The following ACAP2 variants were observed in gnomAD, a reference collection of about 807,000 sequenced individuals.
ACAP2 encodes ArfGAP with coiled-coil, ankyrin repeat and PH domains 2, also known as arf-GAP with coiled-coil, ANK repeat and PH domain-containing protein 2.
Under a neutral mutation model 115.8 loss-of-function variants are expected in ACAP2, and 39 were observed. The ratio of observed to expected loss-of-function variants is 0.34; its 90% CI spans 0.26 to 0.44. The LOEUF (loss-of-function observed/expected upper bound fraction) is 0.44. Among genes scored for constraint, ACAP2 ranks in the 20% least tolerant of loss-of-function variants. The pLI, the probability that ACAP2 is intolerant of heterozygous loss-of-function variation, is 1.00. For missense variants in ACAP2, 662 were observed against 927.6 expected (o/e 0.71, Z 3.72); for synonymous variants, 289 against 315.8 (o/e 0.92, Z 0.90).
At position 195,393,716 on chromosome 3, in the gene ACAP2, GTGTA is replaced by G. The variant is rs1295844204; in HGVS notation, c.54-1573_54-1570del. On this transcript the variant is annotated intron_variant, in intron 1 of 22. Transcript: ENST00000326793. ...AATTTACACACGAGAACAAATGTAT[GTGTA>G]TGAGGATATTCAGTGTAACGCGTTA... Among the ~76,000 whole-genome samples, 4 of 152,296 alleles carry G rather than the reference GTGTA, an allele frequency of 2.6e-5. No individual in the cohort carries two copies. In the East Asian group the frequency reaches 7.7e-4, roughly 29 times the overall value.
intron 7 of ACAP2, chr3:195,336,559 GA>G (rs1730521034): frequency 6.2e-6 from 1 of 160,346 alleles, no homozygotes; most frequent in African/African-American, 2.4e-5. Context: ...TTTTTATGTT[GA>G]TAACTTTCAA....
At chr3:195,319,050 A>G (rs1729273294) in intron 10 of ACAP2, among the ~76,000 whole-genome samples, 1 of 152,226 alleles carries the variant, frequency 6.6e-6, no homozygotes, top group Non-Finnish European at 1.5e-5. Context: ...AATTCCAGCC[A>G]TGGCTAAAAG....
intron 4 of ACAP2, 27 bp downstream of exon 4, chr3:195,380,982 T>C: frequency 6.4e-7 from 1 of 1,558,260 alleles, no homozygotes; most frequent in East Asian, 2.3e-5. Flanking sequence ...AATATGGTCA[T>C]AGTAACACCT....
chr3:195,292,308 G>A lies in ACAP2; in HGVS notation c.1910C>T (p.Ser637Leu). Residue 637 changes from serine to leucine, a missense_variant, in exon 19 of 23, where the codon TCA becomes TTA. Transcript: ENST00000326793. ...AAGTGGTGTCGCTTTGTTTTCCTCTGAATTGGCCCAGTTCACGTCTGCACC... is the reference window on the plus strand; with the variant it reads ...AAGTGGTGTCGCTTTGTTTTCCTCTAAATTGGCCCAGTTCACGTCTGCACC... ...AHGADVNWAN[S>L]EENKATPLIQ... 6.2e-7 allele frequency: 1 copy of A among 1,608,694 alleles called. No homozygotes were observed. The highest frequency in any genetic ancestry group is 8.5e-7 in the Non-Finnish European group (1 of 1,178,726).
At chr3:195,387,522 G>A (rs1344256746) in intron 2 of ACAP2, among the ~76,000 whole-genome samples, 4 of 152,094 alleles carry the variant, frequency 2.6e-5, no homozygotes, top group Non-Finnish European at 5.9e-5. Flanking sequence ...ACAAATGAGG[G>A]TTTTTTCTTT....
intron 4 of ACAP2, among the ~76,000 whole-genome samples, chr3:195,363,832 T>C (rs1234186566): frequency 6.6e-6 from 1 of 152,094 alleles, no homozygotes; most frequent in Non-Finnish European, 1.5e-5. Context: ...AGTGAACTCA[T>C]TTTCGACAAA....
chr3:195,415,216 G>A (rs1198425064), intron 1 of ACAP2, among the ~76,000 whole-genome samples: 1 of 151,694 alleles, frequency 6.6e-6, no homozygotes, highest in Non-Finnish European at 1.5e-5. Context: ...TCAGAGCAGA[G>A]AATATAATAA....
intron 1 of ACAP2, among the ~76,000 whole-genome samples, chr3:195,398,161 T>C (rs1711961870): frequency 6.6e-6 from 1 of 152,138 alleles, no homozygotes; most frequent in Admixed American, 6.5e-5. Flanking sequence ...ATGAAATATT[T>C]AAAAATCCAC....
chr3:195,294,578 C>CAAA lies in ACAP2; in HGVS notation c.1765+138_1765+140dup, dbSNP rs71637158. 1.2e-4 allele frequency: 9 copies of CAAA among 73,222 alleles called. 1 individual carries two copies. In the East Asian group the frequency reaches 1.7e-3, roughly 14 times the overall value. 4.5% of individuals were successfully genotyped at this position (73,222 alleles called of 1,614,324 possible). On this transcript the variant is annotated intron_variant, in intron 18 of 22. Coordinates refer to ENST00000326793, the MANE Select transcript of ACAP2 (RefSeq NM_012287.6). ...GGGCAGTAAGAGTGAAACTCCATCT[C>CAAA]AAAAAAAAAAGAAGAAAAAAAAAAA...
intron 6 of ACAP2, among the ~76,000 whole-genome samples, chr3:195,341,368 A>G (rs1327017815): frequency 7.0e-5 from 8 of 115,064 alleles, no homozygotes; most frequent in South Asian, 3.0e-4. Flanking sequence ...TCTGTCACCC[A>G]GGCTGGAGTG....
intron 10 of ACAP2, chr3:195,312,866 T>C (rs1365260157): frequency 2.0e-5 from 3 of 152,194 alleles, no homozygotes; most frequent in Non-Finnish European, 2.9e-5. Context: ...CCAACTGGAA[T>C]GCAAGTTAAT....
At chr3:195,351,176 G>A (rs1339904629) in intron 4 of ACAP2, among the ~76,000 whole-genome samples, 2 of 148,976 alleles carry the variant, frequency 1.3e-5, no homozygotes, top group African/African-American at 2.5e-5. Context: ...GGAGTGCAGT[G>A]GTGTGATCTC....
chr3:195,442,586 A>ACGTCCC (rs1287109398), intron 1 of ACAP2, among the ~76,000 whole-genome samples: 2 of 152,008 alleles, frequency 1.3e-5, no homozygotes, highest in South Asian at 4.1e-4. Context: ...ATGAGAGGCG[A>ACGTCCC]CGTCCCCGTC....
chr3:195,341,194 T>C (rs944084953), intron 6 of ACAP2, among the ~76,000 whole-genome samples: 3 of 152,138 alleles, frequency 2.0e-5, no homozygotes, highest in African/African-American at 4.8e-5. Context: ...TTCTCATGTC[T>C]CAAATACCTT....
intron 1 of ACAP2, among the ~76,000 whole-genome samples, chr3:195,438,422 T>TA (rs1287866206): frequency 1.3e-5 from 2 of 152,024 alleles, no homozygotes; most frequent in Non-Finnish European, 2.9e-5. Context: ...CCTCAGCCCT[T>TA]ACCCACTGTA....
chr3:195,354,208 T>C (rs1482338651), intron 4 of ACAP2, among the ~76,000 whole-genome samples: 1 of 152,232 alleles, frequency 6.6e-6, no homozygotes, highest in African/African-American at 2.4e-5. Flanking sequence ...TTCCATAGTG[T>C]ATATGTACGT....
chr3:195,424,415 C>T (rs954644288), intron 1 of ACAP2, among the ~76,000 whole-genome samples: 1 of 149,884 alleles, frequency 6.7e-6, no homozygotes. Context: ...CTGCCTCAGC[C>T]TCCCAAGTAG....
chr3:195,352,837 T>C (rs1731700425), intron 4 of ACAP2, among the ~76,000 whole-genome samples: 1 of 152,058 alleles, frequency 6.6e-6, no homozygotes, highest in Non-Finnish European at 1.5e-5. Flanking sequence ...TCTCAGCACT[T>C]TGGGAGGCTG....
chr3:195,438,557 C>T (rs1436685940), intron 1 of ACAP2, among the ~76,000 whole-genome samples: 5 of 152,192 alleles, frequency 3.3e-5, no homozygotes, highest in Middle Eastern at 6.8e-3. Context: ...CATTTTATTC[C>T]AATGTCTTTC....
Sources: allele counts gnomAD v4.1 joint callset (sites outside exome capture counted in the v4.1 genomes callset), GRCh38; gene constraint gnomAD v4.1.1; transcripts MANE v1.5; gene names NCBI Gene and HGNC (gene_info 2026-07-23, HGNC 2026-07-21).